MORC3: variants seen among roughly 807,000 people sequenced by gnomAD.
The protein encoded by MORC3 is MORC family CW-type zinc finger protein 3.
A neutral mutation model predicts 109.1 loss-of-function variants in MORC3; 31 were observed. The observed-to-expected ratio is 0.28, with a 90% CI of 0.21 to 0.38. The LOEUF (loss-of-function observed/expected upper bound fraction) is 0.38, where lower values mean the gene tolerates loss of function less well. Among genes scored for constraint, MORC3 ranks in the 10% least tolerant of loss-of-function variants. The pLI is 1.00. For missense variants in MORC3, 867 were observed against 1,135.8 expected (o/e 0.76, Z 3.40); for synonymous variants, 395 against 380.7 (o/e 1.04, Z -0.44).
At chr21:36,365,303 A>G (rs796274811) in intron 14 of MORC3, among the ~76,000 whole-genome samples, 12 of 152,316 alleles carry the variant, frequency 7.9e-5, no homozygotes, top group African/African-American at 2.9e-4. Context: ...AGTCTTGTAG[A>G]TGGCCTCTTC....
In MORC3 at chr21:36,362,484, A is replaced by G. The variant is rs149116039; in HGVS notation, c.1452+256A>G. On this transcript the variant is annotated intron_variant, in intron 13 of 16. Transcript: ENST00000400485. ...CTTGAACCTGGGAGGTAGCTGTTGC[A>G]GTGAGAAAGATTGGTACCATTGCAC... Among the ~76,000 whole-genome samples the G allele has an allele frequency of 1.6e-3, 246 of 152,172 alleles. 1 individual carries two copies. Among genetic ancestry groups the G allele is most frequent in the Middle Eastern group, 0.01 (3 of 294 alleles).
At chr21:36,362,879 C>T (rs796362753) in intron 13 of MORC3, among the ~76,000 whole-genome samples, 14 of 152,090 alleles carry the variant, frequency 9.2e-5, no homozygotes, top group African/African-American at 3.4e-4. Context: ...TGGGTATCTT[C>T]TGAGGAAAGG....
chr21:36,320,334 T>C, intron 1 of MORC3, 31 bp downstream of exon 1: 1 of 1,430,370 alleles, frequency 7.0e-7, no homozygotes, highest in Non-Finnish European at 9.3e-7. Flanking sequence ...GAGCGGGCCG[T>C]GTCCCAGGAG....
At chr21:36,325,616 C>T (rs745762229) in intron 1 of MORC3, among the ~76,000 whole-genome samples, 2 of 152,250 alleles carry the variant, frequency 1.3e-5, no homozygotes, top group African/African-American at 2.4e-5. Flanking sequence ...ACTTCTCCAG[C>T]ACCTGACAAA....
In MORC3 at chr21:36,359,261, A is replaced by G. The variant is rs373786620; in HGVS notation, c.1209-694A>G. 2.6e-5 allele frequency among the ~76,000 whole-genome samples: 4 copies of G among 152,248 alleles called. No homozygotes were observed. In the East Asian group the frequency reaches 5.8e-4, roughly 22 times the overall value. On this transcript the variant is annotated intron_variant, in intron 10 of 16. Transcript: ENST00000400485. ...TTAAGACATAAGTCACATTGTTCAA[A>G]TTGGCTTGTGACTTTTAATCTTTTG...
intron 6 of MORC3, 137 bp downstream of exon 6, chr21:36,341,683 T>A: frequency 8.1e-7 from 1 of 1,231,270 alleles, no homozygotes; most frequent in Non-Finnish European, 1.1e-6. Flanking sequence ...TGATTTTCCC[T>A]GGCCCACTCA....
At chr21:36,359,751 C>T (rs1045672367) in intron 10 of MORC3, among the ~76,000 whole-genome samples, 2 of 151,946 alleles carry the variant, frequency 1.3e-5, no homozygotes, top group African/African-American at 4.8e-5. Context: ...GACAGGGTTT[C>T]ACCATGTTGT....
chr21:36,343,460 T>G (rs1016729484), intron 6 of MORC3, among the ~76,000 whole-genome samples: 1 of 150,478 alleles, frequency 6.6e-6, no homozygotes, highest in Non-Finnish European at 1.5e-5. Flanking sequence ...TTTTTTTTTT[T>G]TTTTTTGAGA....
At chr21:36,329,707 C>G (rs74402168) in intron 1 of MORC3, among the ~76,000 whole-genome samples, 2 of 152,022 alleles carry the variant, frequency 1.3e-5, no homozygotes, top group Non-Finnish European at 2.9e-5. Context: ...ACTGCTCTGG[C>G]GTAACATCAC....
At position 36,369,749 on chromosome 21, in the gene MORC3, A is replaced by G; in HGVS notation, c.2381A>G (p.Lys794Arg). ...KKQCSALQHV[K>R]AECSQCSNNE... ...CAATGTAGTGCTTTGCAACATGTAA[A>G]GGCTGAATGCAGCCAGTGTTCCAAT... Residue 794 changes from lysine to arginine, a missense_variant, in exon 15 of 17, where the codon AAG becomes AGG. Coordinates refer to ENST00000400485, the MANE Select transcript of MORC3 (RefSeq NM_015358.3). 2 of 1,614,248 alleles carry G rather than the reference A, an allele frequency of 1.2e-6. No homozygotes were observed. The highest frequency in any genetic ancestry group is 1.3e-5 in the African/African-American group (1 of 75,078).
intron 10 of MORC3, among the ~76,000 whole-genome samples, 173 bp downstream of exon 10, chr21:36,356,897 T>C (rs2085651690): frequency 6.6e-6 from 1 of 152,228 alleles, no homozygotes; most frequent in African/African-American, 2.4e-5. Flanking sequence ...CCTGTATACA[T>C]GCACACAAAA....
In MORC3 at chr21:36,360,218, G is replaced by T; in HGVS notation, c.1366G>T (p.Asp456Tyr). 6.2e-7 allele frequency: 1 copy of T among 1,614,070 alleles called. No homozygotes were observed. Among genetic ancestry groups the T allele is most frequent in the South Asian group, 1.1e-5 (1 of 91,064 alleles). The change falls in exon 12 of 17, where the codon GAT (aspartate) becomes TAT (tyrosine). Residue 456 changes from aspartate (D) to tyrosine (Y), a missense_variant. Physicochemically the swap from Asp to Tyr is radical, Grantham distance 160. Transcript: ENST00000400485. ...CEVPEEPEDE[D>Y]LVHPTYEKTY... is the part of the protein sequence containing the mutation. ...GGTTCCAGAAGAACCTGAAGATGAG[G>T]ATTTGGTACATCCCACTTATGAAAA...
At chr21:36,345,207 C>T (rs1028083314) in intron 8 of MORC3, among the ~76,000 whole-genome samples, 176 bp downstream of exon 8, 2 of 151,052 alleles carry the variant, frequency 1.3e-5, no homozygotes, top group Non-Finnish European at 3.0e-5. Flanking sequence ...CTCCCCTCCC[C>T]TCCCCTCCCT....
At chr21:36,325,147 G>T (rs930190024) in intron 1 of MORC3, among the ~76,000 whole-genome samples, 2 of 152,120 alleles carry the variant, frequency 1.3e-5, no homozygotes, top group Admixed American at 6.6e-5. Context: ...CTCTATGTTG[G>T]TATTTGTAGA....
intron 3 of MORC3, among the ~76,000 whole-genome samples, 188 bp from the exon 4 acceptor site, chr21:36,337,544 A>G (rs1006644449): frequency 1.3e-5 from 2 of 152,180 alleles, no homozygotes; most frequent in African/African-American, 4.8e-5. Flanking sequence ...TACATAAAAA[A>G]TCAACAACAA....
chr21:36,329,894 C>T (rs1204124230), intron 1 of MORC3, among the ~76,000 whole-genome samples: 1 of 151,316 alleles, frequency 6.6e-6, no homozygotes, highest in East Asian at 1.9e-4. Flanking sequence ...CGGAGTTTCG[C>T]TCTTGTTGCC....
At chr21:36,343,257 G>A (rs1417333818) in intron 6 of MORC3, among the ~76,000 whole-genome samples, 1 of 151,042 alleles carries the variant, frequency 6.6e-6, no homozygotes, top group Non-Finnish European at 1.5e-5. Context: ...CACCATGCCC[G>A]GCTAATTTTG....
chr21:36,367,001 A>G (rs1021620493), intron 14 of MORC3, among the ~76,000 whole-genome samples: 1 of 152,154 alleles, frequency 6.6e-6, no homozygotes, highest in African/African-American at 2.4e-5. Context: ...AAGTCTCCTA[A>G]CTTGGAAGCA....
intron 14 of MORC3, among the ~76,000 whole-genome samples, chr21:36,368,413 A>T (rs2085805283): frequency 6.6e-6 from 1 of 152,184 alleles, no homozygotes. Context: ...CCTGGAGGTG[A>T]TCAAATGCAG....
Sources: allele counts gnomAD v4.1 joint callset (sites outside exome capture counted in the v4.1 genomes callset), GRCh38; gene constraint gnomAD v4.1.1; transcripts MANE v1.5; gene names NCBI Gene and HGNC (gene_info 2026-07-23, HGNC 2026-07-21).